FANCC: variants seen among roughly 807,000 people sequenced by gnomAD.
FANCC encodes the protein Fanconi anemia group C protein.
Under a neutral mutation model 71.3 loss-of-function variants are expected in FANCC, and 55 were observed. That is an observed-to-expected ratio of 0.77 (90% confidence interval 0.62 to 0.97). FANCC has a LOEUF of 0.97. FANCC is among the 50% of genes least tolerant of loss of function. FANCC has a pLI of 0.00. For synonymous variants in FANCC, 275 were observed against 244.9 expected (o/e 1.12, Z -1.15); for missense variants, 678 against 670.9 (o/e 1.01, Z -0.12).
At chr9:95,302,081 CA>C (rs375479917) in intron 1 of FANCC, among the ~76,000 whole-genome samples, 59 of 98,972 alleles carry the variant, frequency 6.0e-4, no homozygotes, top group African/African-American at 1.5e-3. Context: ...GACTCCATCT[CA>C]AAAAAAAAAA....
chr9:95,205,522 G>C (rs575185483), intron 4 of FANCC, among the ~76,000 whole-genome samples: 1 of 151,212 alleles, frequency 6.6e-6, no homozygotes, highest in Non-Finnish European at 1.5e-5. Flanking sequence ...AATATTAACT[G>C]TTCTTTATTA....
intron 4 of FANCC, among the ~76,000 whole-genome samples, chr9:95,191,147 G>C (rs1009109314): frequency 6.6e-6 from 1 of 151,902 alleles, no homozygotes; most frequent in Non-Finnish European, 1.5e-5. Flanking sequence ...TTCTATGCTG[G>C]GGTCTTCTGT....
At chr9:95,140,403 G>A (rs1828458886) in intron 7 of FANCC, among the ~76,000 whole-genome samples, 1 of 152,110 alleles carries the variant, frequency 6.6e-6, no homozygotes, top group Non-Finnish European at 1.5e-5. Context: ...TTTACAAAAA[G>A]AGGTAGCAGG....
At chr9:95,174,491 T>C (rs999470635) in intron 4 of FANCC, among the ~76,000 whole-genome samples, 2 of 152,080 alleles carry the variant, frequency 1.3e-5, no homozygotes, top group Admixed American at 6.5e-5. Flanking sequence ...AGACCCATAA[T>C]AGTACCACCC....
chr9:95,199,032 T>G (rs1827636575), intron 4 of FANCC, among the ~76,000 whole-genome samples: 1 of 152,180 alleles, frequency 6.6e-6, no homozygotes, highest in Admixed American at 6.5e-5. Context: ...TGACCTAGTT[T>G]TCTTTATATT....
intron 4 of FANCC, among the ~76,000 whole-genome samples, chr9:95,215,888 T>C (rs1828836586): frequency 6.6e-6 from 1 of 152,218 alleles, no homozygotes; most frequent in Non-Finnish European, 1.5e-5. Context: ...CATTGTGTAG[T>C]GGAGTTCCTA....
intron 6 of FANCC, among the ~76,000 whole-genome samples, chr9:95,164,817 C>G (rs1001710299): frequency 9.9e-5 from 15 of 151,926 alleles, no homozygotes; most frequent in African/African-American, 3.6e-4. Context: ...TTGGAAATGT[C>G]CCCTCTTCTT....
intron 1 of FANCC, among the ~76,000 whole-genome samples, chr9:95,265,511 A>C (rs190117791): frequency 1.3e-5 from 2 of 152,218 alleles, no homozygotes; most frequent in East Asian, 3.9e-4. Context: ...CATCATTCGG[A>C]CTTGAAAAAT....
intron 4 of FANCC, among the ~76,000 whole-genome samples, chr9:95,199,287 T>A (rs1170114383): frequency 1.3e-5 from 2 of 151,968 alleles, no homozygotes; most frequent in Non-Finnish European, 2.9e-5. Flanking sequence ...TGCTTAGATA[T>A]AGAGAAGCCT....
chr9:95,160,381 G>T (rs1412388771), intron 6 of FANCC, among the ~76,000 whole-genome samples: 1 of 152,036 alleles, frequency 6.6e-6, no homozygotes, highest in Non-Finnish European at 1.5e-5. Flanking sequence ...TGTTCCATTG[G>T]TCTATATCTC....
intron 4 of FANCC, among the ~76,000 whole-genome samples, chr9:95,200,394 A>G (rs1439495718): frequency 6.6e-6 from 1 of 152,252 alleles, no homozygotes; most frequent in African/African-American, 2.4e-5. Flanking sequence ...TCATTTCAAA[A>G]TGTGCGAAAC....
intron 4 of FANCC, among the ~76,000 whole-genome samples, chr9:95,198,916 T>A (rs1827629770): frequency 6.6e-6 from 1 of 152,058 alleles, no homozygotes; most frequent in Admixed American, 6.5e-5. Flanking sequence ...TTTTAAACTT[T>A]TTTTGTAGAG....
At chr9:95,116,764 C>G (rs968269786) in intron 11 of FANCC, among the ~76,000 whole-genome samples, 1 of 152,194 alleles carries the variant, frequency 6.6e-6, no homozygotes, top group Non-Finnish European at 1.5e-5. Context: ...CCATCACTTC[C>G]CCAGCTGGAT....
At chr9:95,254,380 G>A (rs1441257712) in intron 1 of FANCC, among the ~76,000 whole-genome samples, 2 of 152,174 alleles carry the variant, frequency 1.3e-5, no homozygotes, top group Non-Finnish European at 1.5e-5. Flanking sequence ...TGAGGTACCC[G>A]GCTCATCTCA....
chr9:95,116,095 A>G (rs1455831572), intron 11 of FANCC, among the ~76,000 whole-genome samples: 1 of 152,244 alleles, frequency 6.6e-6, no homozygotes, highest in African/African-American at 2.4e-5. Context: ...AAGTTACACA[A>G]ACGGAAAGGT....
At chr9:95,261,758 G>A (rs979840062) in intron 1 of FANCC, among the ~76,000 whole-genome samples, 2 of 152,180 alleles carry the variant, frequency 1.3e-5, no homozygotes, top group Admixed American at 6.5e-5. Context: ...CCTATGCAGA[G>A]GGGACTAAAG....
At chr9:95,262,353 A>C (rs1254886535) in intron 1 of FANCC, among the ~76,000 whole-genome samples, 8 of 152,222 alleles carry the variant, frequency 5.3e-5, no homozygotes, top group Admixed American at 5.2e-4. Flanking sequence ...GTCTGAAGAA[A>C]GATAACAAAG....
intron 6 of FANCC, among the ~76,000 whole-genome samples, chr9:95,153,924 T>C (rs550553673): frequency 2.0e-5 from 3 of 152,304 alleles, no homozygotes; most frequent in East Asian, 1.9e-4. Context: ...GTGTTGTTTG[T>C]TGTTCAATAC....
rs1413905319 is a variant in FANCC at position 95,100,364 on chromosome 9, C to T, written c.*1343G>A. On this transcript the variant is annotated 3_prime_UTR_variant, in exon 15 of 15. Coordinates refer to ENST00000289081, the MANE Select transcript of FANCC (RefSeq NM_000136.3). ...AAGTTCCTGGAATTTTCCAGATCTT[C>T]AGTGGATCTATTAGCATTGCCACAT... The T allele has an allele frequency of 8.6e-6, 2 of 231,722 alleles. No homozygotes were observed. Among genetic ancestry groups the T allele is most frequent in the Non-Finnish European group, 1.7e-5 (2 of 117,110 alleles). The allele number at this position is 231,722 out of a possible 1,614,324, so 14.4% of individuals were successfully genotyped here. A position where few individuals can be genotyped will look rare whatever the true frequency, so the allele number is the denominator to read the frequency against.
Sources: allele counts gnomAD v4.1 joint callset (sites outside exome capture counted in the v4.1 genomes callset), GRCh38; gene constraint gnomAD v4.1.1; transcripts MANE v1.5; gene names NCBI Gene and HGNC (gene_info 2026-07-23, HGNC 2026-07-21).